Variants in RUFY3 observed in about 807,000 individuals in gnomAD.
RUFY3 encodes the protein protein RUFY3.
A neutral mutation model predicts 84.0 loss-of-function variants in RUFY3; 34 were observed. The observed-to-expected ratio is 0.40, with a 90% CI of 0.31 to 0.54. The LOEUF is 0.54. Ranked by LOEUF, RUFY3 falls within the 20% of genes least tolerant of loss-of-function variation. RUFY3 has a pLI of 0.39. For missense variants in RUFY3, 507 were observed against 736.8 expected (o/e 0.69, Z 3.61); for synonymous variants, 242 against 252.9 (o/e 0.96, Z 0.41).
intron 1 of RUFY3, among the ~76,000 whole-genome samples, chr4:70,746,217 C>T (rs1274515732): frequency 2.0e-5 from 3 of 151,908 alleles, no homozygotes; most frequent in South Asian, 2.1e-4. Context: ...TGGTGGCAGG[C>T]GCCTGTAATC....
intron 1 of RUFY3, among the ~76,000 whole-genome samples, chr4:70,736,617 G>A (rs1720351472): frequency 6.6e-6 from 1 of 151,764 alleles, no homozygotes; most frequent in Non-Finnish European, 1.5e-5. Flanking sequence ...TATTGTCTGG[G>A]CTGGAGTGCA....
chr4:70,717,804 G>A (rs541006216), upstream of RUFY3, among the ~76,000 whole-genome samples: 1 of 150,602 alleles, frequency 6.6e-6, no homozygotes, highest in Non-Finnish European at 1.5e-5. Context: ...CTGAACTTTG[G>A]TTTCATTGTG....
intron 1 of RUFY3, among the ~76,000 whole-genome samples, chr4:70,725,818 T>C (rs1718138961): frequency 6.6e-6 from 1 of 152,108 alleles, no homozygotes; most frequent in Non-Finnish European, 1.5e-5. Flanking sequence ...TTTCAAACAG[T>C]ACACAGTGAG....
At chr4:70,769,207 G>C (rs1029105784) in intron 5 of RUFY3, among the ~76,000 whole-genome samples, 2 of 152,196 alleles carry the variant, frequency 1.3e-5, no homozygotes, top group Non-Finnish European at 2.9e-5. Flanking sequence ...TTAGCTGGTT[G>C]TGTAGCTACT....
intron 1 of RUFY3, chr4:70,705,357 G>A (rs1274806424): frequency 8.4e-7 from 1 of 1,193,828 alleles, no homozygotes; most frequent in Non-Finnish European, 1.1e-6. Flanking sequence ...GGGAGGGCCG[G>A]CCCGGCCCCC....
At chr4:70,705,737 C>T (rs575416890) in intron 1 of RUFY3, among the ~76,000 whole-genome samples, 257 of 152,302 alleles carry the variant, frequency 1.7e-3, no homozygotes, top group Middle Eastern at 6.8e-3. Context: ...GCCCCTCTGA[C>T]CCGCCTTTTT....
chr4:70,729,265 GT>G (rs888070954), intron 1 of RUFY3, among the ~76,000 whole-genome samples: 1 of 150,184 alleles, frequency 6.7e-6, no homozygotes, highest in Non-Finnish European at 1.5e-5. Context: ...GAGTTTTTTT[GT>G]TTTTTTTTGA....
At chr4:70,721,547 TG>T (rs1197631499), upstream of RUFY3, among the ~76,000 whole-genome samples, 1 of 152,240 alleles carries the variant, frequency 6.6e-6, no homozygotes, top group Middle Eastern at 3.2e-3. Context: ...TTTATCTTTT[TG>T]TTTTTTTTCC....
chr4:70,752,946 A>C (rs191780787), intron 1 of RUFY3, among the ~76,000 whole-genome samples: 1 of 152,304 alleles, frequency 6.6e-6, no homozygotes, highest in Non-Finnish European at 1.5e-5. Flanking sequence ...TCTCTCTTCT[A>C]ATTTTTGGAA....
At chr4:70,784,389 A>G (rs997112417) in intron 9 of RUFY3, among the ~76,000 whole-genome samples, 4 of 152,178 alleles carry the variant, frequency 2.6e-5, no homozygotes, top group African/African-American at 7.2e-5. Flanking sequence ...AAGCTGAGAC[A>G]GGAGAATCGC....
chr4:70,779,960 G>A (rs1036138965), intron 8 of RUFY3, among the ~76,000 whole-genome samples: 1 of 152,102 alleles, frequency 6.6e-6, no homozygotes, highest in Non-Finnish European at 1.5e-5. Context: ...GCACTAGTCA[G>A]GAAGATGCTT....
intron 1 of RUFY3, among the ~76,000 whole-genome samples, chr4:70,739,403 C>T (rs1720938618): frequency 6.6e-6 from 1 of 152,070 alleles, no homozygotes; most frequent in Non-Finnish European, 1.5e-5. Context: ...ACATTGAGTA[C>T]CTATGCTTTG....
At chr4:70,759,372 A>ATGTG (rs56698934) in intron 1 of RUFY3, among the ~76,000 whole-genome samples, 6 of 146,904 alleles carry the variant, frequency 4.1e-5, no homozygotes, top group Admixed American at 1.4e-4. Context: ...GTGTGTGTGT[A>ATGTG]TGTGTGTGTG....
At chr4:70,752,345 A>G (rs553966973) in intron 1 of RUFY3, among the ~76,000 whole-genome samples, 2 of 152,178 alleles carry the variant, frequency 1.3e-5, no homozygotes, top group South Asian at 2.1e-4. Flanking sequence ...GATTTTTTAT[A>G]TACAAGATCA....
chr4:70,737,411 G>A (rs1457694699), intron 1 of RUFY3, among the ~76,000 whole-genome samples: 2 of 152,168 alleles, frequency 1.3e-5, no homozygotes, highest in Non-Finnish European at 2.9e-5. Context: ...AACTAAGAGT[G>A]TATGTGAGAT....
chr4:70,792,264 TTC>T, intron 12 of RUFY3: 1 of 984,676 alleles, frequency 1.0e-6, no homozygotes, highest in Non-Finnish European at 1.2e-6. Flanking sequence ...ACTTAAGAGT[TTC>T]TGTTACTTTT....
At chr4:70,771,949 C>G (rs944840961) in intron 5 of RUFY3, among the ~76,000 whole-genome samples, 2 of 151,808 alleles carry the variant, frequency 1.3e-5, no homozygotes, top group African/African-American at 4.8e-5. Flanking sequence ...AATGGATTAT[C>G]ATAAAGGAAC....
intron 1 of RUFY3, among the ~76,000 whole-genome samples, chr4:70,735,868 A>G (rs568321672): frequency 2.6e-5 from 4 of 152,210 alleles, no homozygotes; most frequent in African/African-American, 9.6e-5. Context: ...GATACTTGCA[A>G]TCTCAGCTAC....
intron 1 of RUFY3, among the ~76,000 whole-genome samples, chr4:70,739,479 G>C (rs1337155990): frequency 6.6e-6 from 1 of 152,100 alleles, no homozygotes; most frequent in Non-Finnish European, 1.5e-5. Flanking sequence ...TATGTGATGT[G>C]TCTGGGTTTG....
Sources: allele counts gnomAD v4.1 joint callset (sites outside exome capture counted in the v4.1 genomes callset), GRCh38; gene constraint gnomAD v4.1.1; transcripts MANE v1.5; gene names NCBI Gene and HGNC (gene_info 2026-07-23, HGNC 2026-07-21).